The following PRKCH variants were observed in gnomAD, a reference collection of about 807,000 sequenced individuals.
PRKCH encodes the protein protein kinase C eta type.
PRKCH carries 28 observed loss-of-function variants against 82.5 expected under a neutral mutation model. That is an observed-to-expected ratio of 0.34 (90% CI 0.25 to 0.47). PRKCH has a LOEUF of 0.47. PRKCH is among the 20% of genes least tolerant of loss of function. The probability of loss-of-function intolerance (pLI) is 1.00; values close to 1 mark genes in which losing one functional copy is unlikely to be tolerated. For missense variants in PRKCH, 705 were observed against 881.8 expected, an observed-to-expected ratio of 0.80 and a Z score of 2.54; for synonymous variants, 322 against 327.4, an observed-to-expected ratio of 0.98 and a Z score of 0.18.
At chr14:61,347,954 G>A (rs1037841436) in intron 1 of PRKCH, 2 of 152,608 alleles carry the variant, frequency 1.3e-5, no homozygotes, top group African/African-American at 4.8e-5. Flanking sequence ...ATAGGCCCAG[G>A]GAGGAGAGTA....
chr14:61,424,224 G>C (rs1322515670), intron 2 of PRKCH, among the ~76,000 whole-genome samples: 1 of 152,164 alleles, frequency 6.6e-6, no homozygotes, highest in South Asian at 2.1e-4. Context: ...GACTAATATA[G>C]TAAATTGGTA....
intron 10 of PRKCH, among the ~76,000 whole-genome samples, chr14:61,502,060 C>T (rs113930704): frequency 9.8e-5 from 6 of 60,926 alleles, no homozygotes; most frequent in African/African-American, 4.2e-4. Flanking sequence ...CTTTTCTTTT[C>T]TTTTCTTTTT....
intron 1 of PRKCH, among the ~76,000 whole-genome samples, chr14:61,239,324 C>T (rs768710819): frequency 6.6e-6 from 1 of 152,138 alleles, no homozygotes; most frequent in Non-Finnish European, 1.5e-5. Flanking sequence ...AGCGGGCCAA[C>T]AAACAAGACA....
intron 1 of PRKCH, among the ~76,000 whole-genome samples, chr14:61,257,602 CAG>C (rs779928595): frequency 0.022 from 1,544 of 71,150 alleles, 16 homozygotes; most frequent in Non-Finnish European, 0.036. Flanking sequence ...CTGTCACACA[CAG>C]ACACACACAC....
At chr14:61,281,186 G>A in intron 1 of PRKCH, 3 of 1,240,684 alleles carry the variant, frequency 2.4e-6, no homozygotes, top group Non-Finnish European at 2.0e-6. Flanking sequence ...CTGACCGAGT[G>A]GGGGCCCCGC....
At chr14:61,369,690 C>T (rs1566842325) in intron 1 of PRKCH, among the ~76,000 whole-genome samples, 1 of 151,868 alleles carries the variant, frequency 6.6e-6, no homozygotes, top group African/African-American at 2.4e-5. Flanking sequence ...ATTTGTCTTT[C>T]GAATCAACTC....
At chr14:61,299,614 C>T (rs2045434405) in intron 1 of PRKCH, 2 of 152,350 alleles carry the variant, frequency 1.3e-5, no homozygotes, top group South Asian at 4.1e-4. Flanking sequence ...GAGCCCTCTT[C>T]TGCCCTGCTC....
At chr14:61,281,028 G>T in intron 1 of PRKCH, 1 of 1,532,772 alleles carries the variant, frequency 6.5e-7, no homozygotes, top group Non-Finnish European at 8.8e-7. Context: ...GGCCCGCGCA[G>T]AAGAAGAGCG....
At chr14:61,468,060 A>G (rs1269395947) in intron 9 of PRKCH, among the ~76,000 whole-genome samples, 1 of 152,228 alleles carries the variant, frequency 6.6e-6, no homozygotes, top group African/African-American at 2.4e-5. Context: ...TGAGTCTCTA[A>G]TATGTACAAC....
chr14:61,546,488 T>G (rs2043259649), intron 12 of PRKCH, among the ~76,000 whole-genome samples: 3 of 152,234 alleles, frequency 2.0e-5, no homozygotes, highest in Admixed American at 2.0e-4. Flanking sequence ...TCCCGTCAGG[T>G]TGCTTAGGAA....
At chr14:61,449,354 C>T in intron 5 of PRKCH, 102 bp downstream of exon 5, 1 of 990,118 alleles carries the variant, frequency 1.0e-6, no homozygotes, top group South Asian at 1.5e-5. Context: ...CCCTCTTTTC[C>T]TTCTCCCCGT....
chr14:61,261,985 G>A (rs1367631637), intron 1 of PRKCH, among the ~76,000 whole-genome samples: 3 of 151,970 alleles, frequency 2.0e-5, no homozygotes, highest in South Asian at 2.1e-4. Context: ...ACTTTGGGAG[G>A]CCGAGGCGGG....
chr14:61,480,285 C>T (rs541552321), intron 9 of PRKCH, among the ~76,000 whole-genome samples: 1 of 152,304 alleles, frequency 6.6e-6, no homozygotes, highest in South Asian at 2.1e-4. Context: ...ATCCATCTTC[C>T]AGTACTTCCC....
intron 1 of PRKCH, among the ~76,000 whole-genome samples, chr14:61,352,679 A>AGAAAG (rs1555378067): frequency 1.7e-3 from 208 of 120,970 alleles, no homozygotes; most frequent in South Asian, 3.7e-3. Flanking sequence ...AGAGAGAGAG[A>AGAAAG]GAAAGGAAAG....
intron 1 of PRKCH, among the ~76,000 whole-genome samples, chr14:61,230,498 C>A (rs968930589): frequency 2.0e-5 from 3 of 152,194 alleles, no homozygotes; most frequent in Admixed American, 1.3e-4. Context: ...TGCAATAATA[C>A]CTGAAAGCCA....
At chr14:61,370,029 C>T (rs183537576) in intron 1 of PRKCH, among the ~76,000 whole-genome samples, 5 of 151,852 alleles carry the variant, frequency 3.3e-5, no homozygotes, top group African/African-American at 9.7e-5. Context: ...GCGTGATCTC[C>T]GCCTCCCAGG....
At chr14:61,357,221 G>A (rs7147145) in intron 1 of PRKCH, among the ~76,000 whole-genome samples, 3,710 of 152,206 alleles carry the variant, frequency 0.024, 141 homozygotes, top group African/African-American at 0.084. Context: ...GGTGCTGCCC[G>A]TTTCTCCCAT....
chr14:61,457,299 G>A lies in PRKCH; in HGVS notation c.1084G>A (p.Gly362Arg). The change falls in exon 8 of 14, where the codon GGG (glycine) becomes AGG (arginine). Residue 362 changes from glycine (G) to arginine (R), a missense_variant. Transcript: ENST00000332981. Reference sequence around the variant, plus strand: ...CAACTTTGAGTTCATCCGAGTGTTGGGGAAGGGGAGTTTTGGGAAGGTGAG... The same window carrying A: ...CAACTTTGAGTTCATCCGAGTGTTGAGGAAGGGGAGTTTTGGGAAGGTGAG... Reference protein sequence around the residue: ...IDNFEFIRVLGKGSFGKVMLA... With the variant: ...IDNFEFIRVLRKGSFGKVMLA... 6.2e-7 allele frequency: 1 copy of A among 1,614,178 alleles called. No individual in the cohort carries two copies. The highest frequency in any genetic ancestry group is 1.7e-5 in the Admixed American group (1 of 60,024).
At chr14:61,259,250 T>C (rs2045024592) in intron 1 of PRKCH, among the ~76,000 whole-genome samples, 1 of 152,214 alleles carries the variant, frequency 6.6e-6, no homozygotes, top group Non-Finnish European at 1.5e-5. Flanking sequence ...TAAAGTGGCC[T>C]TCCTCTGATG....
Sources: gnomAD v4.1 joint callset for allele counts (sites outside exome capture counted in the v4.1 genomes callset) on GRCh38, gnomAD v4.1.1 for gene constraint, MANE v1.5 for transcripts, NCBI Gene and HGNC (gene_info 2026-07-23, HGNC 2026-07-21) for gene names.